Variants in NSD3 observed in about 807,000 individuals in gnomAD.
The protein encoded by NSD3 is histone-lysine N-methyltransferase NSD3.
NSD3 carries 24 observed loss-of-function variants against 160.8 expected under a neutral mutation model. The observed-to-expected ratio is 0.15, with a 90% CI of 0.11 to 0.21. NSD3 has a LOEUF of 0.21. NSD3 is among the 10% of genes least tolerant of loss of function. The pLI is 1.00. For missense variants in NSD3, 1,157 were observed against 1,735.9 expected (o/e 0.67, Z 5.93); for synonymous variants, 520 against 600.0 (o/e 0.87, Z 1.95).
intron 1 of NSD3, among the ~76,000 whole-genome samples, chr8:38,357,538 G>A (rs1436410181): frequency 6.6e-6 from 1 of 151,176 alleles, no homozygotes; most frequent in Non-Finnish European, 1.5e-5. Context: ...TTTTTTGCTT[G>A]ACTCTTAACC....
rs147652979 is a variant in NSD3 at position 38,326,772 on chromosome 8, T to A, written c.1666A>T (p.Thr556Ser). The part of the protein sequence containing the change: ...STPNQRNEKP[T>S]QSVSSPEATS... ...GCTTCAGGAGATGATACACTCTGCG[T>A]TGGCTTTTCATTTCTCTGGTTTGGT... Residue 556 changes from threonine to serine, a missense_variant, in exon 7 of 24, where the codon ACG (threonine) becomes TCG (serine). This residue lies in a region of NSD3 where 102 missense variants were observed against 126.5 expected (regional missense o/e 0.81). Transcript: ENST00000317025. 3 of 1,614,138 alleles carry A rather than the reference T, an allele frequency of 1.9e-6. No individual in the cohort carries two copies. Among genetic ancestry groups the A allele is most frequent in the Non-Finnish European group, 2.5e-6 (3 of 1,180,004 alleles).
At chr8:38,347,186 G>A (rs1810557964) in intron 2 of NSD3, among the ~76,000 whole-genome samples, 2 of 152,124 alleles carry the variant, frequency 1.3e-5, no homozygotes, top group Non-Finnish European at 1.5e-5. Context: ...TCTTCTCTTT[G>A]CCTTTCCTCT....
At chr8:38,309,601 T>C (rs1352924334) in intron 12 of NSD3, among the ~76,000 whole-genome samples, 1 of 152,108 alleles carries the variant, frequency 6.6e-6, no homozygotes, top group Non-Finnish European at 1.5e-5. Flanking sequence ...TGCAGGGAGC[T>C]GAGACTGCAC....
intron 19 of NSD3, among the ~76,000 whole-genome samples, chr8:38,284,199 T>G (rs1043482882): frequency 2.0e-5 from 3 of 152,234 alleles, no homozygotes; most frequent in Non-Finnish European, 4.4e-5. Flanking sequence ...ACAAAGGACA[T>G]GGGACTGTTC....
At chr8:38,338,741 G>A (rs1034307758) in intron 2 of NSD3, 134 bp from the exon 3 acceptor site, 2 of 694,982 alleles carry the variant, frequency 2.9e-6, no homozygotes, top group Non-Finnish European at 2.5e-6. Flanking sequence ...ACTGAACAAT[G>A]TAAGGAGTAA....
chr8:38,346,269 A>G (rs889511822), intron 2 of NSD3, among the ~76,000 whole-genome samples: 3 of 147,962 alleles, frequency 2.0e-5, no homozygotes, highest in African/African-American at 7.4e-5. Context: ...TGCTATGAAG[A>G]CTATGTATAT....
chr8:38,299,655 A>G, intron 14 of NSD3, 65 bp from the exon 15 acceptor site: 1 of 1,441,856 alleles, frequency 6.9e-7, no homozygotes, highest in Non-Finnish European at 9.2e-7. Context: ...TGAGGAAAAA[A>G]TAAACCAACA....
intron 12 of NSD3, among the ~76,000 whole-genome samples, chr8:38,310,677 T>A (rs992617328): frequency 6.9e-6 from 1 of 145,114 alleles, no homozygotes; most frequent in African/African-American, 2.5e-5. Context: ...CAGGCTAACT[T>A]TTTTTTTTTT....
rs1182421689 is a variant in NSD3, at chr8:38,275,365, CA to C, written c.*275del. The C allele has an allele frequency of 2.9e-5, 10 of 344,770 alleles. No individual in the cohort carries two copies. Among genetic ancestry groups the C allele is most frequent in the African/African-American group, 2.1e-4 (10 of 48,074 alleles). The allele number at this position is 344,770 out of a possible 1,614,324, so 21.4% of individuals were successfully genotyped here. A position where few individuals can be genotyped will look rare whatever the true frequency, so the allele number is the denominator to read the frequency against. On this transcript the variant is annotated 3_prime_UTR_variant, in exon 24 of 24. Coordinates refer to ENST00000317025, the MANE Select transcript of NSD3 (RefSeq NM_023034.2). ...TTTGTTCTTATTTTAACAGCAAAAA[CA>C]TTTCTTTTTCAAGCTGCAATGGCAC... is the stretch of plus-strand genomic sequence containing the variant.
intron 1 of NSD3, among the ~76,000 whole-genome samples, chr8:38,355,398 C>G (rs1002250099): frequency 1.4e-5 from 2 of 145,602 alleles, no homozygotes; most frequent in African/African-American, 5.1e-5. Flanking sequence ...GCATACAGAA[C>G]TGCTAAAAAG....
intron 1 of NSD3, among the ~76,000 whole-genome samples, chr8:38,369,701 T>C (rs145995542): frequency 6.6e-6 from 1 of 152,350 alleles, no homozygotes; most frequent in Non-Finnish European, 1.5e-5. Context: ...AGAACACTGA[T>C]CTTCAGTGGT....
At chr8:38,312,350 A>T in intron 12 of NSD3, among the ~76,000 whole-genome samples, 1 of 152,196 alleles carries the variant, frequency 6.6e-6, no homozygotes, top group Non-Finnish European at 1.5e-5. Flanking sequence ...ATGTGTACCA[A>T]ATTAAATACA....
intron 15 of NSD3, 62 bp downstream of exon 15, chr8:38,299,382 T>A (rs540159275): frequency 1.9e-6 from 3 of 1,545,952 alleles, no homozygotes; most frequent in African/African-American, 1.4e-5. Context: ...CCCCCCTATA[T>A]TGAAAGAGAA....
At chr8:38,313,719 C>T (rs1809588579) in intron 12 of NSD3, among the ~76,000 whole-genome samples, 1 of 147,702 alleles carries the variant, frequency 6.8e-6, no homozygotes, top group East Asian at 2.0e-4. Flanking sequence ...ACCTGGGAGG[C>T]GGAGCTTGCG....
At chr8:38,315,889 T>C in intron 10 of NSD3, 23 bp downstream of exon 10, 1 of 1,611,550 alleles carries the variant, frequency 6.2e-7, no homozygotes, top group Non-Finnish European at 8.5e-7. Flanking sequence ...GAACACTTTG[T>C]CCAGACCCTT....
intron 16 of NSD3, among the ~76,000 whole-genome samples, chr8:38,291,100 C>T (rs1298309753): frequency 6.6e-6 from 1 of 152,104 alleles, no homozygotes; most frequent in Non-Finnish European, 1.5e-5. Flanking sequence ...TAAACTGATG[C>T]TATCATAAAG....
chr8:38,373,811 T>C (rs1342839806), intron 1 of NSD3, among the ~76,000 whole-genome samples: 2 of 151,628 alleles, frequency 1.3e-5, no homozygotes, highest in East Asian at 1.9e-4. Flanking sequence ...AAAAAATAGC[T>C]AGGGGGACCA....
At position 38,317,004 on chromosome 8, in the gene NSD3, T is replaced by C. The variant is rs1585881191; in HGVS notation, c.1856-962A>G. The C allele has an allele frequency of 9.4e-7, 1 of 1,059,324 alleles. No individual in the cohort carries two copies. Among genetic ancestry groups the C allele is most frequent in the Non-Finnish European group, 1.1e-6 (1 of 875,612 alleles). 65.6% of individuals were successfully genotyped at this position (1,059,324 alleles called of 1,614,324 possible). A position where few individuals can be genotyped will look rare whatever the true frequency, so the allele number is the denominator to read the frequency against. ...TTCAACCCACAGTTTGTGTTTTGGA[T>C]TTTTTCCCCCAAAATTTCCATACAA... On this transcript the variant is annotated intron_variant, in intron 9 of 23. Transcript: ENST00000317025. This position sits in a 1 kb window ranked among gnomAD's most constrained non-coding sequence, Gnocchi z 5.3.
chr8:38,290,464 A>T lies in NSD3; in HGVS notation c.3118+11T>A, dbSNP rs367721057. Reference sequence around the variant, plus strand: ...GTAGTTTTGAGTCACTGTAAACATCATCCAGCTTACCCTTTTTGAAGGTCT... The same window carrying T: ...GTAGTTTTGAGTCACTGTAAACATCTTCCAGCTTACCCTTTTTGAAGGTCT... On this transcript the variant is annotated intron_variant, in intron 17 of 23. Coordinates refer to ENST00000317025, the MANE Select transcript of NSD3 (RefSeq NM_023034.2). 118 of 1,614,046 alleles carry T rather than the reference A, an allele frequency of 7.3e-5. No homozygotes were observed. The African/African-American group carries it at 1.3e-3, about 18-fold the overall frequency.
Sources: gnomAD v4.1 joint callset for allele counts (sites outside exome capture counted in the v4.1 genomes callset) on GRCh38, gnomAD v4.1.1 for gene constraint, gnomAD v4.1.1 regional missense constraint, Gnocchi (gnomAD v3.1) non-coding constraint, MANE v1.5 for transcripts, NCBI Gene and HGNC (gene_info 2026-07-23, HGNC 2026-07-21) for gene names.